The following ATP8A2 variants were observed in gnomAD, a reference collection of about 807,000 sequenced individuals.
The protein encoded by ATP8A2 is ATPase phospholipid transporting 8A2.
In ATP8A2, 100 loss-of-function variants were observed where a neutral mutation model predicts 165.6. That is an observed-to-expected ratio of 0.60 (90% CI 0.51 to 0.71). The LOEUF (loss-of-function observed/expected upper bound fraction) is 0.71, where lower values mean the gene tolerates loss of function less well. Ranked by LOEUF, ATP8A2 falls within the 30% of genes least tolerant of loss-of-function variation. The probability of loss-of-function intolerance (pLI) is 0.00; values close to 1 mark genes in which losing one functional copy is unlikely to be tolerated. For missense variants in ATP8A2, 1,227 were observed against 1,479.5 expected (o/e 0.83, Z 2.80); for synonymous variants, 543 against 548.8 (o/e 0.99, Z 0.15).
intron 27 of ATP8A2, among the ~76,000 whole-genome samples, chr13:25,823,155 T>G (rs978695711): frequency 6.6e-6 from 1 of 152,232 alleles, no homozygotes; most frequent in Non-Finnish European, 1.5e-5. Context: ...CCTGATTGTG[T>G]TGGGCTTTGT....
chr13:26,006,249 T>C (rs901418455), intron 35 of ATP8A2, among the ~76,000 whole-genome samples: 1 of 151,898 alleles, frequency 6.6e-6, no homozygotes. Flanking sequence ...TTAAAATTAT[T>C]CCCGAGTATT....
chr13:25,536,107 T>C (rs2038274069), intron 6 of ATP8A2, among the ~76,000 whole-genome samples: 1 of 152,062 alleles, frequency 6.6e-6, no homozygotes, highest in African/African-American at 2.4e-5. Context: ...TATGAAATCG[T>C]TTTAATTTTA....
At chr13:25,399,936 C>G (rs1469856636) in intron 1 of ATP8A2, among the ~76,000 whole-genome samples, 1 of 10,866 alleles carries the variant, frequency 9.2e-5, no homozygotes, top group East Asian at 7.9e-3. Flanking sequence ...TTTTCTCCTT[C>G]TCTTTCTCCT....
intron 2 of ATP8A2, among the ~76,000 whole-genome samples, chr13:25,479,994 A>G (rs980333975): frequency 6.6e-5 from 10 of 152,162 alleles, no homozygotes; most frequent in Admixed American, 6.5e-4. Context: ...CCCGTTCTCA[A>G]TGAGCTGTTG....
chr13:25,891,470 C>T (rs1011084624), intron 33 of ATP8A2, among the ~76,000 whole-genome samples: 8 of 152,066 alleles, frequency 5.3e-5, no homozygotes, highest in Non-Finnish European at 1.0e-4. Flanking sequence ...TTACAGGCAC[C>T]CACCATCATG....
intron 22 of ATP8A2, among the ~76,000 whole-genome samples, chr13:25,580,842 A>T (rs2039756092): frequency 6.6e-6 from 1 of 152,140 alleles, no homozygotes; most frequent in South Asian, 2.1e-4. Context: ...TGTCTGGCCC[A>T]GTTTCCATAA....
At chr13:25,565,230 T>C (rs1289460872) in intron 16 of ATP8A2, among the ~76,000 whole-genome samples, 2 of 152,216 alleles carry the variant, frequency 1.3e-5, no homozygotes, top group African/African-American at 4.8e-5. Flanking sequence ...TATTTTTTCC[T>C]CTGGGTAGAT....
At chr13:25,518,738 T>C (rs2037560781) in intron 2 of ATP8A2, among the ~76,000 whole-genome samples, 1 of 152,206 alleles carries the variant, frequency 6.6e-6, no homozygotes, top group African/African-American at 2.4e-5. Flanking sequence ...TGGTGCCTTG[T>C]GATTTGTGAG....
intron 36 of ATP8A2, among the ~76,000 whole-genome samples, chr13:26,017,428 A>G (rs1957002537): frequency 6.6e-6 from 1 of 152,222 alleles, no homozygotes; most frequent in Admixed American, 6.5e-5. Flanking sequence ...AAACATCCCA[A>G]GGAAAGACGT....
chr13:25,481,333 G>A (rs1265770678), intron 2 of ATP8A2, among the ~76,000 whole-genome samples: 1 of 152,188 alleles, frequency 6.6e-6, no homozygotes, highest in Non-Finnish European at 1.5e-5. Context: ...ACTAGCGACT[G>A]TGTGGCCAAC....
intron 24 of ATP8A2, among the ~76,000 whole-genome samples, chr13:25,660,765 C>G (rs537229314): frequency 6.6e-6 from 1 of 152,244 alleles, no homozygotes; most frequent in African/African-American, 2.4e-5. Context: ...GTCACAACAA[C>G]TTGGTAATAT....
chr13:25,787,821 C>G (rs1474101074), intron 27 of ATP8A2, among the ~76,000 whole-genome samples: 1 of 152,214 alleles, frequency 6.6e-6, no homozygotes, highest in African/African-American at 2.4e-5. Context: ...CAGAAAGTCA[C>G]TGGACTCCAG....
At chr13:25,550,019 C>T (rs992056273) in intron 10 of ATP8A2, among the ~76,000 whole-genome samples, 46 of 152,036 alleles carry the variant, frequency 3.0e-4, no homozygotes, top group African/African-American at 1.1e-3. Flanking sequence ...AAATAGCACA[C>T]TCAGGTCAGG....
At chr13:25,624,277 G>A (rs2041048807) in intron 24 of ATP8A2, among the ~76,000 whole-genome samples, 2 of 152,142 alleles carry the variant, frequency 1.3e-5, no homozygotes, top group Non-Finnish European at 2.9e-5. Flanking sequence ...GGCAGAGATG[G>A]TGGGTTAAAT....
chr13:25,678,642 C>G (rs1212750265), intron 24 of ATP8A2, among the ~76,000 whole-genome samples: 3 of 152,156 alleles, frequency 2.0e-5, no homozygotes, highest in African/African-American at 7.2e-5. Flanking sequence ...ACGTGTTATG[C>G]AGCAGAGACC....
At chr13:25,837,727 G>C (rs1055161920) in intron 29 of ATP8A2, among the ~76,000 whole-genome samples, 1 of 152,130 alleles carries the variant, frequency 6.6e-6, no homozygotes, top group South Asian at 2.1e-4. Flanking sequence ...GAAATAAAAT[G>C]TGTCTTTAGC....
intron 28 of ATP8A2, among the ~76,000 whole-genome samples, chr13:25,834,763 C>G (rs1951561241): frequency 6.6e-6 from 1 of 152,218 alleles, no homozygotes; most frequent in Non-Finnish European, 1.5e-5. Flanking sequence ...CAGCCTCAAC[C>G]TCCTGGGCTG....
At chr13:25,559,823 T>G in intron 15 of ATP8A2, 58 bp downstream of exon 15, 4 of 1,261,110 alleles carry the variant, frequency 3.2e-6, no homozygotes, top group East Asian at 2.3e-5. Context: ...GAATAATTAT[T>G]TATTATTATT....
intron 1 of ATP8A2, among the ~76,000 whole-genome samples, chr13:25,430,083 G>C (rs1426015902): frequency 6.6e-6 from 1 of 152,186 alleles, no homozygotes; most frequent in Non-Finnish European, 1.5e-5. Flanking sequence ...TTTGCAGAAA[G>C]GTAAACAATT....
Sources: gnomAD v4.1 joint callset for allele counts (sites outside exome capture counted in the v4.1 genomes callset) on GRCh38, gnomAD v4.1.1 for gene constraint, MANE v1.5 for transcripts, NCBI Gene and HGNC (gene_info 2026-07-23, HGNC 2026-07-21) for gene names.